Variants in CNNM2 observed in about 807,000 individuals in gnomAD.
CNNM2 encodes the protein metal transporter CNNM2.
A neutral mutation model predicts 66.9 loss-of-function variants in CNNM2; 12 were observed. That is an observed-to-expected ratio of 0.18 (90% CI 0.11 to 0.29). The LOEUF (loss-of-function observed/expected upper bound fraction) is 0.29, where lower values mean the gene tolerates loss of function less well. CNNM2 is among the 10% of genes least tolerant of loss of function. The pLI is 1.00. For synonymous variants in CNNM2, 557 were observed against 501.8 expected (o/e 1.11, Z -1.47); for missense variants, 705 against 1,167.7 (o/e 0.60, Z 5.77).
chr10:103,082,663 G>C lies in CNNM2; in HGVS notation c.*5483G>C, dbSNP rs1370375735. ...GTCCTTTAAGGCGGGTGAGAGGGTA[G>C]TGTTGTTTTTTATAAACAGGTTGCT... On this transcript the variant is annotated 3_prime_UTR_variant, in exon 8 of 8. Transcript: ENST00000369878. 1 of 152,250 alleles carries C rather than the reference G, an allele frequency of 6.6e-6. No individual in the cohort carries two copies. Among genetic ancestry groups the C allele is most frequent in the Non-Finnish European group, 1.5e-5 (1 of 68,094 alleles). 9.4% of individuals were successfully genotyped at this position (152,250 alleles called of 1,614,324 possible). A position where few individuals can be genotyped will look rare whatever the true frequency, so the allele number is the denominator to read the frequency against.
chr10:102,961,981 G>C (rs2063387737), intron 1 of CNNM2, among the ~76,000 whole-genome samples: 1 of 151,926 alleles, frequency 6.6e-6, no homozygotes, highest in African/African-American at 2.4e-5. Flanking sequence ...CTTGAAATAA[G>C]GCACTTACTT....
At chr10:102,998,606 T>C (rs985593719) in intron 1 of CNNM2, among the ~76,000 whole-genome samples, 6 of 152,112 alleles carry the variant, frequency 3.9e-5, no homozygotes, top group African/African-American at 1.4e-4. Context: ...AACACCAAGA[T>C]TGGAAAGGCA....
chr10:102,965,046 G>A (rs528952482), intron 1 of CNNM2, among the ~76,000 whole-genome samples: 5 of 152,134 alleles, frequency 3.3e-5, no homozygotes, highest in Non-Finnish European at 7.4e-5. Flanking sequence ...GGCAGAGACC[G>A]TGCCCCTCAC....
At chr10:102,929,526 A>G (rs1477752729) in intron 1 of CNNM2, among the ~76,000 whole-genome samples, 6 of 150,534 alleles carry the variant, frequency 4.0e-5, no homozygotes, top group Admixed American at 2.0e-4. Flanking sequence ...AAGCTTTGTT[A>G]TTTTCCTAGC....
At position 103,050,883 on chromosome 10, in the gene CNNM2, T is replaced by A. The variant is rs146134855; in HGVS notation, c.1765+1033T>A. Among the ~76,000 whole-genome samples, 404 of 152,180 alleles carry A rather than the reference T, an allele frequency of 2.7e-3. 1 individual carries two copies. Among genetic ancestry groups the A allele is most frequent in the African/African-American group, 9.4e-3 (392 of 41,498 alleles). ...TCCTGTCTCATTAAAGTGTAAAATA[T>A]GATTGCTGGACTGTGGAGCTTAAAT... On this transcript the variant is annotated intron_variant, in intron 2 of 7. Coordinates refer to ENST00000369878, the MANE Select transcript of CNNM2 (RefSeq NM_017649.5).
intron 1 of CNNM2, among the ~76,000 whole-genome samples, chr10:102,964,783 A>G (rs749426513): frequency 6.6e-6 from 1 of 152,138 alleles, no homozygotes; most frequent in Non-Finnish European, 1.5e-5. Flanking sequence ...ATGAAATACT[A>G]TATGTTGCTT....
In CNNM2 at chr10:102,919,212, C is replaced by T. The variant is rs1845538625; in HGVS notation, c.732C>T (p.Ile244=). The change falls in exon 1 of 8, where the codon ATC becomes ATT. Residue 244 remains isoleucine, a synonymous_variant. Coordinates refer to ENST00000369878, the MANE Select transcript of CNNM2 (RefSeq NM_017649.5). ...ACGACGGCGAGGACACCAAGATGAT[C>T]GTAGGCGAAGAGAAGAAGTTCCTGC... ...IYHDGEDTKM[I]VGEEKKFLLP... The T allele has an allele frequency of 1.2e-6, 2 of 1,612,932 alleles. No individual in the cohort carries two copies. Among genetic ancestry groups the T allele is most frequent in the Non-Finnish European group, 1.7e-6 (2 of 1,180,034 alleles).
rs1590522850 is a variant in CNNM2 at position 103,082,379 on chromosome 10, C to G, written c.*5199C>G. ...GGAGGCTCAGACTTCTAGAGCAGAG[C>G]AAAGTTGGGAAGAATGAGGTCTTAG... is the stretch of plus-strand genomic sequence containing the variant. On this transcript the variant is annotated 3_prime_UTR_variant, in exon 8 of 8. Coordinates refer to ENST00000369878, the MANE Select transcript of CNNM2 (RefSeq NM_017649.5). 1 of 152,186 alleles carries G rather than the reference C, an allele frequency of 6.6e-6. No homozygotes were observed. The highest frequency in any genetic ancestry group is 1.5e-5 in the Non-Finnish European group (1 of 68,054). 9.4% of individuals were successfully genotyped at this position (152,186 alleles called of 1,614,324 possible).
intron 1 of CNNM2, among the ~76,000 whole-genome samples, chr10:103,047,878 T>A (rs1393422522): frequency 2.6e-5 from 4 of 152,198 alleles, no homozygotes; most frequent in African/African-American, 9.7e-5. Context: ...TGAGAAGCTG[T>A]TACGCTCGTG....
intron 1 of CNNM2, among the ~76,000 whole-genome samples, chr10:102,925,512 G>GA (rs1340505545): frequency 1.3e-5 from 2 of 151,964 alleles, no homozygotes; most frequent in Admixed American, 1.3e-4. Flanking sequence ...CTGAGAAAGA[G>GA]AAAAAACAAA....
chr10:103,048,314 C>G (rs1359478005), intron 1 of CNNM2, among the ~76,000 whole-genome samples: 1 of 150,784 alleles, frequency 6.6e-6, no homozygotes, highest in Admixed American at 6.6e-5. Context: ...CTCCCAGATT[C>G]AAGTGATTCT....
At position 102,990,991 on chromosome 10, in the gene CNNM2, AATTTT is replaced by A. The variant is rs1164273881; in HGVS notation, c.1622-58705_1622-58701del. 3.3e-5 allele frequency among the ~76,000 whole-genome samples: 5 copies of A among 152,146 alleles called. No homozygotes were observed. In the East Asian group the frequency reaches 9.7e-4, roughly 29 times the overall value. ...TACATTTTCCATTGTGGCTGTAGGA[AATTTT>A]ATTTTATTTTGAGACATTCTTGCTC... On this transcript the variant is annotated intron_variant, in intron 1 of 7. Transcript: ENST00000369878.
At chr10:103,009,984 A>T (rs2064309153) in intron 1 of CNNM2, among the ~76,000 whole-genome samples, 1 of 151,826 alleles carries the variant, frequency 6.6e-6, no homozygotes, top group South Asian at 2.1e-4. Context: ...CGAAGAACGT[A>T]TTAAACTTCA....
At chr10:102,971,481 TCTTA>T (rs1404499833) in intron 1 of CNNM2, among the ~76,000 whole-genome samples, 1 of 152,186 alleles carries the variant, frequency 6.6e-6, no homozygotes, top group Non-Finnish European at 1.5e-5. Flanking sequence ...CTCATTCTAC[TCTTA>T]CTTGTCGCCA....
rs563440803 is a variant in CNNM2 at position 103,048,329 on chromosome 10, C to T, written c.1622-1378C>T. 4.6e-5 allele frequency among the ~76,000 whole-genome samples: 7 copies of T among 151,864 alleles called. No homozygotes were observed. The South Asian group carries it at 6.2e-4, about 14-fold the overall frequency. On this transcript the variant is annotated intron_variant, in intron 1 of 7. Transcript: ENST00000369878. ...CTCCCAGATTCAAGTGATTCTCCCACCTCAGCCTCCTGAGTAGCTGGAATC... is the reference window on the plus strand; with the variant it reads ...CTCCCAGATTCAAGTGATTCTCCCATCTCAGCCTCCTGAGTAGCTGGAATC...
chr10:103,070,844 C>T (rs536692651), intron 5 of CNNM2, among the ~76,000 whole-genome samples: 22 of 152,176 alleles, frequency 1.4e-4, no homozygotes, highest in Admixed American at 9.8e-4. Context: ...GCAGGAGAAT[C>T]GCTTGAACCT....
chr10:103,033,863 T>C (rs2064877676), intron 1 of CNNM2, among the ~76,000 whole-genome samples: 1 of 152,196 alleles, frequency 6.6e-6, no homozygotes, highest in African/African-American at 2.4e-5. Context: ...GAATCTATAA[T>C]AGAGAACACT....
At chr10:102,950,627 A>G (rs1195104962) in intron 1 of CNNM2, among the ~76,000 whole-genome samples, 3 of 151,756 alleles carry the variant, frequency 2.0e-5, no homozygotes, top group African/African-American at 7.3e-5. Flanking sequence ...GGTGATGCGC[A>G]CCTGCACTCC....
At chr10:102,931,834 A>T (rs1846074977) in intron 1 of CNNM2, among the ~76,000 whole-genome samples, 1 of 149,180 alleles carries the variant, frequency 6.7e-6, no homozygotes, top group African/African-American at 2.5e-5. Flanking sequence ...CCTCACCAGC[A>T]CTTGTTATTG....
Sources: gnomAD v4.1 joint callset for allele counts (sites outside exome capture counted in the v4.1 genomes callset) on GRCh38, gnomAD v4.1.1 for gene constraint, MANE v1.5 for transcripts, NCBI Gene and HGNC (gene_info 2026-07-23, HGNC 2026-07-21) for gene names.